SLC30A3: variants seen among roughly 807,000 people sequenced by gnomAD.
The protein encoded by SLC30A3 is solute carrier family 30 member 3, also known as probable proton-coupled zinc antiporter SLC30A3.
In SLC30A3, 20 loss-of-function variants were observed where a neutral mutation model predicts 35.6. The observed-to-expected ratio is 0.56, with a 90% CI of 0.39 to 0.82. The LOEUF (loss-of-function observed/expected upper bound fraction) is 0.82. Ranked by LOEUF, SLC30A3 falls within the 40% of genes least tolerant of loss-of-function variation. The pLI is 0.00. For synonymous variants in SLC30A3, 217 were observed against 224.7 expected (o/e 0.97, Z 0.31); for missense variants, 401 against 530.6 (o/e 0.76, Z 2.40).
Position 27,257,106 on chromosome 2 carries a change from G to C in SLC30A3, c.777+48C>G, listed in dbSNP as rs1406281492. ...TGGGACCTGGGAAGGAGTGGGCTGG[G>C]ATGTGGTTGTGGGGAGGAAGGCTGG... On this transcript the variant is annotated intron_variant, in intron 5 of 7. Coordinates refer to ENST00000233535, the MANE Select transcript of SLC30A3 (RefSeq NM_003459.5). The surrounding 1 kb of genome is among the most constrained non-coding windows in gnomAD (Gnocchi z 4.7). 1 of 1,568,702 alleles carries C rather than the reference G, an allele frequency of 6.4e-7. No homozygotes were observed. The highest frequency in any genetic ancestry group is 8.8e-7 in the Non-Finnish European group (1 of 1,139,194).
rs1195155550 is a variant in SLC30A3 at position 27,258,808 on chromosome 2, C to T, written c.222G>A (p.Arg74=). 2 of 1,614,216 alleles carry T rather than the reference C, an allele frequency of 1.2e-6. No individual in the cohort carries two copies. Among genetic ancestry groups the T allele is most frequent in the Non-Finnish European group, 1.7e-6 (2 of 1,180,020 alleles). ...GLTPERLHAR[R]QLYAACAVCF... ...AAACGGCACAGGCAGCATATAGCTG[C>T]CTCCGTGCATGCAGCCTCTCAGGGG... Residue 74 remains arginine (R), a synonymous_variant, in exon 2 of 8, where the codon AGG becomes AGA. Coordinates refer to ENST00000233535, the MANE Select transcript of SLC30A3 (RefSeq NM_003459.5). The surrounding 1 kb of genome is among the most constrained non-coding windows in gnomAD (Gnocchi z 4.0).
In SLC30A3 at chr2:27,258,949, A is replaced by G. The variant is rs1677030259; in HGVS notation, c.96-15T>C. 6.4e-7 allele frequency: 1 copy of G among 1,570,502 alleles called. No homozygotes were observed. The highest frequency in any genetic ancestry group is 8.6e-7 in the Non-Finnish European group (1 of 1,158,468). On this transcript the variant is annotated splice_polypyrimidine_tract_variant and intron_variant, in intron 1 of 7. Transcript: ENST00000233535. The surrounding 1 kb of genome is among the most constrained non-coding windows in gnomAD (Gnocchi z 4.0). ...CTGTGAAGAGACTGAGGCAAGCAAC[A>G]TGGTTCAACCTGGGCCTGGCCCACA...
chr2:27,256,343 G>C (rs1469934469), intron 7 of SLC30A3, 43 bp downstream of exon 7: 1 of 1,606,356 alleles, frequency 6.2e-7, no homozygotes, highest in Admixed American at 1.7e-5. Context: ...TTTGGGGTGG[G>C]GTATGTTCCA....
At chr2:27,266,445 C>T (rs1677497632), upstream of SLC30A3, among the ~76,000 whole-genome samples, 1 of 152,088 alleles carries the variant, frequency 6.6e-6, no homozygotes, top group East Asian at 1.9e-4. Context: ...CTTTTCTTTC[C>T]ACACTCACTC....
chr2:27,274,395 G>C (rs1677892296), intron 1 of SLC30A3, among the ~76,000 whole-genome samples: 1 of 152,122 alleles, frequency 6.6e-6, no homozygotes, highest in South Asian at 2.1e-4. Context: ...GTAATAAAAG[G>C]AAGAGAGTGA....
chr2:27,262,857 C>T lies in SLC30A3; in HGVS notation c.50G>A (p.Ser17Asn). 6.4e-7 allele frequency: 1 copy of T among 1,565,418 alleles called. No homozygotes were observed. The highest frequency in any genetic ancestry group is 8.6e-7 in the Non-Finnish European group (1 of 1,161,050). Reference protein sequence around the residue: ...AGGLETTRLVSPRDRGGAGGS... With the variant: ...AGGLETTRLVNPRDRGGAGGS... ...TCCGGCGCCACCGCGGTCCCGGGGGCTCACCAGGCGAGTGGTCTCCAAGCC... is the reference window on the plus strand; with the variant it reads ...TCCGGCGCCACCGCGGTCCCGGGGGTTCACCAGGCGAGTGGTCTCCAAGCC... Residue 17 changes from serine (S) to asparagine (N), a missense_variant, in exon 1 of 8, where the codon AGC (serine) becomes AAC (asparagine). Ser to Asn is a conservative substitution (Grantham distance 46). This residue lies in a region of SLC30A3 where 103 missense variants were observed against 120.7 expected (regional missense o/e 0.85). Coordinates refer to ENST00000233535, the MANE Select transcript of SLC30A3 (RefSeq NM_003459.5). The surrounding 1 kb of genome is among the most constrained non-coding windows in gnomAD (Gnocchi z 7.5).
chr2:27,275,417 C>T, upstream of SLC30A3: 1 of 364,738 alleles, frequency 2.7e-6, no homozygotes, highest in Non-Finnish European at 5.3e-6. Context: ...CTTCCGGGGG[C>T]GCCAAAAAAC....
At position 27,271,056 on chromosome 2, in the gene SLC30A3, C is replaced by T. The variant is rs946513477; in HGVS notation, c.-159+4121G>A. Among the ~76,000 whole-genome samples the T allele has an allele frequency of 2.0e-5, 3 of 152,072 alleles. No individual in the cohort carries two copies. The highest frequency in any genetic ancestry group is 4.8e-5 in the African/African-American group (2 of 41,392). The stretch of plus-strand genomic sequence containing the variant: ...CTAGATAACCTTAAGCAGGTCAATC[C>T]GCCTTTCTGGGCTGCACTTTCTTCA... On this transcript the variant is annotated intron_variant, in intron 1 of 5. Transcript: ENST00000424577. This position sits in a 1 kb window ranked among gnomAD's most constrained non-coding sequence, Gnocchi z 4.3.
upstream of SLC30A3, chr2:27,275,532 G>A (rs1019547364): frequency 1.2e-5 from 4 of 325,940 alleles, no homozygotes; most frequent in Non-Finnish European, 2.4e-5. Context: ...GCACCCACCT[G>A]GCTTAAGAGA....
rs777543807 is a variant in SLC30A3 at position 27,257,110 on chromosome 2, T to A, written c.777+44A>T. The A allele has an allele frequency of 6.3e-7, 1 of 1,580,398 alleles. No homozygotes were observed. The highest frequency in any genetic ancestry group is 1.1e-5 in the South Asian group (1 of 90,346). ...ACCTGGGAAGGAGTGGGCTGGGATG[T>A]GGTTGTGGGGAGGAAGGCTGGGGCA... On this transcript the variant is annotated intron_variant, in intron 5 of 7. Transcript: ENST00000233535. This position sits in a 1 kb window ranked among gnomAD's most constrained non-coding sequence, Gnocchi z 4.7.
chr2:27,257,036 C>T lies in SLC30A3; in HGVS notation c.777+118G>A. ...AACATGACTCATGTCTGGGAGAGTCCTGGGAGGTGGGAGGGAGGAGCTGGA... is the reference window on the plus strand; with the variant it reads ...AACATGACTCATGTCTGGGAGAGTCTTGGGAGGTGGGAGGGAGGAGCTGGA... On this transcript the variant is annotated intron_variant, in intron 5 of 7. Transcript: ENST00000233535. This position sits in a 1 kb window ranked among gnomAD's most constrained non-coding sequence, Gnocchi z 4.7. The T allele has an allele frequency of 8.3e-7, 1 of 1,202,644 alleles. No individual in the cohort carries two copies. Among genetic ancestry groups the T allele is most frequent in the Non-Finnish European group, 1.2e-6 (1 of 813,952 alleles). 74.5% of individuals were successfully genotyped at this position (1,202,644 alleles called of 1,614,324 possible). A position where few individuals can be genotyped will look rare whatever the true frequency, so the allele number is the denominator to read the frequency against.
At position 27,257,251 on chromosome 2, in the gene SLC30A3, A is replaced by C. The variant is rs147386174; in HGVS notation, c.680T>G (p.Leu227Arg). ...TGCCGCCCGGACGCTGGTGTTCCCC[A>C]GGGGCAGGGGCTCTTCAGGCCCCTC... Reference protein sequence around the residue: ...LEEGPEEPLPLGNTSVRAAFV... With the variant: ...LEEGPEEPLPRGNTSVRAAFV... Residue 227 changes from leucine to arginine, a missense_variant, in exon 5 of 8, where the codon CTG becomes CGG. Physicochemically the swap from Leu to Arg is moderately radical, Grantham distance 102. This residue lies in a region of SLC30A3 where 296 missense variants were observed against 392.6 expected (regional missense o/e 0.75). Transcript: ENST00000233535. The surrounding 1 kb of genome is among the most constrained non-coding windows in gnomAD (Gnocchi z 4.7). 5.6e-6 allele frequency: 9 copies of C among 1,614,034 alleles called. No individual in the cohort carries two copies. Among genetic ancestry groups the C allele is most frequent in the Non-Finnish European group, 7.6e-6 (9 of 1,179,948 alleles).
In SLC30A3 at chr2:27,258,114, G is replaced by A. The variant is rs965535702; in HGVS notation, c.424+47C>T. 3.1e-6 allele frequency: 5 copies of A among 1,607,920 alleles called. No homozygotes were observed. The African/African-American group carries it at 4.0e-5, about 13-fold the overall frequency. ...AGACCTGCTTGGGACCCTGACGGGT[G>A]CCCTCTGGCAAGATTGGAGAGTCAC... is the stretch of plus-strand genomic sequence containing the variant. On this transcript the variant is annotated intron_variant, in intron 3 of 7. Coordinates refer to ENST00000233535, the MANE Select transcript of SLC30A3 (RefSeq NM_003459.5). The surrounding 1 kb of genome is among the most constrained non-coding windows in gnomAD (Gnocchi z 4.0).
upstream of SLC30A3, among the ~76,000 whole-genome samples, chr2:27,265,945 T>A (rs1677478426): frequency 6.6e-6 from 1 of 152,072 alleles, no homozygotes; most frequent in Non-Finnish European, 1.5e-5. This position sits in a 1 kb window ranked among gnomAD's most constrained non-coding sequence, Gnocchi z 5.9. Context: ...ACAGGGAGAA[T>A]GAGGGAGGGC....
rs749788243 is a variant in SLC30A3, at chr2:27,257,363, A to G, written c.579-11T>C. ...AGCACAAAGGCCATTCTGAGGGGTA[A>G]GCAGAGCACCTCAGCCTAGGGCCCT... On this transcript the variant is annotated splice_polypyrimidine_tract_variant and intron_variant, in intron 4 of 7. Coordinates refer to ENST00000233535, the MANE Select transcript of SLC30A3 (RefSeq NM_003459.5). The surrounding 1 kb of genome is among the most constrained non-coding windows in gnomAD (Gnocchi z 4.7). The G allele has an allele frequency of 6.9e-6, 11 of 1,601,492 alleles. No homozygotes were observed. The East Asian group carries it at 2.3e-4, about 33-fold the overall frequency.
In SLC30A3 at chr2:27,262,017, G is replaced by A. The variant is rs1345171521; in HGVS notation, c.95+795C>T. The A allele has an allele frequency of 6.6e-6, 1 of 152,474 alleles. No homozygotes were observed. The highest frequency in any genetic ancestry group is 1.9e-4 in the East Asian group (1 of 5,200). 9.4% of individuals were successfully genotyped at this position (152,474 alleles called of 1,614,324 possible). ...ACCCTGCCAAATTCCGGAGACAAAC[G>A]GACGGTCAGCCGACAGACAAGATGG... On this transcript the variant is annotated intron_variant, in intron 1 of 7. Coordinates refer to ENST00000233535, the MANE Select transcript of SLC30A3 (RefSeq NM_003459.5). This position sits in a 1 kb window ranked among gnomAD's most constrained non-coding sequence, Gnocchi z 7.5.
rs78757682 is a variant in SLC30A3 at position 27,258,067 on chromosome 2, G to A, written c.425-9C>T. On this transcript the variant is annotated splice_polypyrimidine_tract_variant and intron_variant, in intron 3 of 7. Coordinates refer to ENST00000233535, the MANE Select transcript of SLC30A3 (RefSeq NM_003459.5). The surrounding 1 kb of genome is among the most constrained non-coding windows in gnomAD (Gnocchi z 4.0). ...CAAAGCCCCCAGAGTCTCTGCGGGTGGGGGGGGAGACAAGCTGTCAGAGAC... is the reference window on the plus strand; with the variant it reads ...CAAAGCCCCCAGAGTCTCTGCGGGTAGGGGGGGAGACAAGCTGTCAGAGAC... 59 of 1,609,330 alleles carry A rather than the reference G, an allele frequency of 3.7e-5. No individual in the cohort carries two copies. The highest frequency in any genetic ancestry group is 3.4e-4 in the Admixed American group (20 of 59,680).
At chr2:27,267,752 T>A (rs1677550758), upstream of SLC30A3, among the ~76,000 whole-genome samples, 1 of 151,950 alleles carries the variant, frequency 6.6e-6, no homozygotes, top group Admixed American at 6.6e-5. Flanking sequence ...CTGGCCAATA[T>A]GGGGAAACCC....
chr2:27,259,160 G>GCTGGAAAGCA, intron 1 of SLC30A3: 1 of 453,178 alleles, frequency 2.2e-6, no homozygotes, highest in East Asian at 3.6e-5. Context: ...GAATTTCACA[G>GCTGGAAAGCA]CTGGAAAGCA....
Sources: allele counts gnomAD v4.1 joint callset (sites outside exome capture counted in the v4.1 genomes callset), GRCh38; gene constraint gnomAD v4.1.1; regional missense constraint gnomAD v4.1.1; non-coding constraint Gnocchi (gnomAD v3.1); transcripts MANE v1.5; gene names NCBI Gene and HGNC (gene_info 2026-07-23, HGNC 2026-07-21).